ESRP1: variants seen among roughly 807,000 people sequenced by gnomAD.
ESRP1 encodes the protein RNA-binding motif protein 35A.
Under a neutral mutation model 81.7 loss-of-function variants are expected in ESRP1, and 33 were observed. That is an observed-to-expected ratio of 0.40 (90% CI 0.31 to 0.54). The LOEUF (loss-of-function observed/expected upper bound fraction) is 0.54, where lower values mean the gene tolerates loss of function less well. Among genes scored for constraint, ESRP1 ranks in the 20% least tolerant of loss-of-function variants. ESRP1 has a pLI of 0.41. For synonymous variants in ESRP1, 320 were observed against 303.3 expected, an observed-to-expected ratio of 1.06 and a Z score of -0.57; for missense variants, 672 against 833.1, an observed-to-expected ratio of 0.81 and a Z score of 2.38.
intron 1 of ESRP1, 82 bp from the exon 2 acceptor site, chr8:94,641,874 C>T: frequency 6.4e-7 from 1 of 1,569,660 alleles, no homozygotes. Context: ...GCGGGCCGCC[C>T]CAGCAGGGGA....
intron 9 of ESRP1, among the ~76,000 whole-genome samples, chr8:94,665,566 G>T (rs117941232): frequency 2.6e-5 from 4 of 152,098 alleles, no homozygotes; most frequent in African/African-American, 9.7e-5. Flanking sequence ...ATCTCAGCTC[G>T]TTGCGACCTC....
intron 1 of ESRP1, 38 bp downstream of exon 1, chr8:94,641,488 G>A: frequency 1.2e-6 from 2 of 1,613,456 alleles, no homozygotes; most frequent in South Asian, 1.1e-5. Flanking sequence ...CAAGGAATGG[G>A]GCAAGAAGTT....
In ESRP1 at chr8:94,677,536, T is replaced by G. The variant is rs1253133130; in HGVS notation, c.1652-667T>G. ...TTTATTAGTTGATTCCCAGGAAGAC[T>G]TAGGCATCAATTCCTTTGGGACTAT... On this transcript the variant is annotated intron_variant, in intron 12 of 15. Coordinates refer to ENST00000433389, the MANE Select transcript of ESRP1 (RefSeq NM_017697.4). Among the ~76,000 whole-genome samples, 3 of 152,242 alleles carry G rather than the reference T, an allele frequency of 2.0e-5. No individual in the cohort carries two copies. In the East Asian group the frequency reaches 5.8e-4, roughly 29 times the overall value.
intron 4 of ESRP1, among the ~76,000 whole-genome samples, chr8:94,651,203 G>T (rs988526349): frequency 1.3e-5 from 2 of 150,758 alleles, no homozygotes; most frequent in African/African-American, 4.9e-5. Flanking sequence ...GTATTTCAAG[G>T]CATTTATGGA....
chr8:94,648,300 C>T (rs551870496), intron 4 of ESRP1, among the ~76,000 whole-genome samples: 4 of 152,276 alleles, frequency 2.6e-5, no homozygotes, highest in East Asian at 1.9e-4. Context: ...TATTTAATAT[C>T]GTACTTGTAC....
chr8:94,678,428 C>A, intron 13 of ESRP1, 57 bp downstream of exon 13: 1 of 1,569,514 alleles, frequency 6.4e-7, no homozygotes, highest in Non-Finnish European at 8.7e-7. Flanking sequence ...CCTTTGATAG[C>A]CAGTGCAAGA....
intron 6 of ESRP1, among the ~76,000 whole-genome samples, chr8:94,664,458 T>C (rs1818918438): frequency 6.6e-6 from 1 of 152,150 alleles, no homozygotes; most frequent in South Asian, 2.1e-4. Flanking sequence ...GTTTGCTGAG[T>C]GAGCTAGCTG....
At position 94,665,042 on chromosome 8, in the gene ESRP1, G is replaced by C. The variant is rs769194906; in HGVS notation, c.871G>C (p.Gly291Arg). ...ACTACAGAGGCACAAACATCACATG[G>C]GGACCCGGTATATTGAGGTATGTCC... ...LALQRHKHHM[G>R]TRYIEVYKAT... The change falls in exon 8 of 16, where the codon GGG (glycine) becomes CGG (arginine). Residue 291 changes from glycine to arginine, a missense_variant. Transcript: ENST00000433389. 1 of 1,613,544 alleles carries C rather than the reference G, an allele frequency of 6.2e-7. No individual in the cohort carries two copies. The highest frequency in any genetic ancestry group is 1.1e-5 in the South Asian group (1 of 91,052).
At chr8:94,700,329 C>G (rs1009992804) in intron 15 of ESRP1, among the ~76,000 whole-genome samples, 1 of 152,076 alleles carries the variant, frequency 6.6e-6, no homozygotes, top group Admixed American at 6.6e-5. Context: ...TCCCTAGATA[C>G]AATCACTCGT....
rs1183132428 is a variant in ESRP1 at position 94,667,943 on chromosome 8, C to T, written c.932-6C>T. On this transcript the variant is annotated splice_region_variant and splice_polypyrimidine_tract_variant and intron_variant, in intron 9 of 15. Coordinates refer to ENST00000433389, the MANE Select transcript of ESRP1 (RefSeq NM_017697.4). ...CTCCCTGCTTCCTAATATTTGTTTTCCCTAGGTACTTCCAATGAGGTAGCC... is the reference window on the plus strand; with the variant it reads ...CTCCCTGCTTCCTAATATTTGTTTTTCCTAGGTACTTCCAATGAGGTAGCC... 1.3e-6 allele frequency: 2 copies of T among 1,567,468 alleles called. No homozygotes were observed. The highest frequency in any genetic ancestry group is 1.4e-5 in the African/African-American group (1 of 73,420).
At chr8:94,676,349 C>CTAA (rs1819585134) in intron 12 of ESRP1, among the ~76,000 whole-genome samples, 1 of 120,742 alleles carries the variant, frequency 8.3e-6, no homozygotes, top group Non-Finnish European at 1.7e-5. Flanking sequence ...GACTCAGTCT[C>CTAA]AAAAAAAAAA....
chr8:94,697,644 G>A (rs922537236), intron 15 of ESRP1, among the ~76,000 whole-genome samples: 1 of 152,194 alleles, frequency 6.6e-6, no homozygotes, highest in Non-Finnish European at 1.5e-5. Flanking sequence ...TGTGAATGGT[G>A]CTGATGTGAG....
intron 3 of ESRP1, among the ~76,000 whole-genome samples, chr8:94,645,560 GTT>G (rs753941237): frequency 3.9e-5 from 6 of 152,126 alleles, no homozygotes; most frequent in African/African-American, 9.6e-5. Flanking sequence ...GGATTTGTGA[GTT>G]TGTTTTTGTT....
intron 9 of ESRP1, among the ~76,000 whole-genome samples, chr8:94,665,872 T>A (rs1385960643): frequency 6.6e-6 from 1 of 152,224 alleles, no homozygotes; most frequent in Non-Finnish European, 1.5e-5. Context: ...GTTGCACATG[T>A]GCTTCTAATT....
intron 13 of ESRP1, among the ~76,000 whole-genome samples, chr8:94,684,112 G>A (rs1471550804): frequency 6.6e-6 from 1 of 151,650 alleles, no homozygotes; most frequent in African/African-American, 2.4e-5. Context: ...CTCCCTAAGT[G>A]CTGGGATTAC....
At chr8:94,657,184 T>C (rs1818469291) in intron 4 of ESRP1, among the ~76,000 whole-genome samples, 1 of 152,316 alleles carries the variant, frequency 6.6e-6, no homozygotes, top group South Asian at 2.1e-4. Context: ...CCCTTCCTCA[T>C]TTCCTTGAGG....
Position 94,641,273 on chromosome 8 carries a change from C to T in ESRP1, c.-46C>T. 1 of 1,588,066 alleles carries T rather than the reference C, an allele frequency of 6.3e-7. No homozygotes were observed. The highest frequency in any genetic ancestry group is 1.1e-5 in the South Asian group (1 of 88,856). On this transcript the variant is annotated 5_prime_UTR_variant, in exon 1 of 16. Transcript: ENST00000433389. ...TTTTTTCGTTCTCACTTCCACACCA[C>T]CTTACCGCCTCCCGACCCCCCCTCT...
chr8:94,705,888 A>G (rs1586277825), intron 15 of ESRP1, 37 bp from the exon 16 acceptor site: 4 of 1,465,268 alleles, frequency 2.7e-6, no homozygotes, highest in Non-Finnish European at 3.6e-6. Context: ...AGACTATAAC[A>G]TTTCCTTTTA....
intron 4 of ESRP1, among the ~76,000 whole-genome samples, chr8:94,650,989 G>A (rs1818097315): frequency 6.6e-6 from 1 of 152,158 alleles, no homozygotes; most frequent in Non-Finnish European, 1.5e-5. Context: ...ATAGGCGTGA[G>A]CCACCACTCC....
Sources: gnomAD v4.1 joint callset for allele counts (sites outside exome capture counted in the v4.1 genomes callset) on GRCh38, gnomAD v4.1.1 for gene constraint, MANE v1.5 for transcripts, NCBI Gene and HGNC (gene_info 2026-07-23, HGNC 2026-07-21) for gene names.